BBOF1: variants seen among roughly 807,000 people sequenced by gnomAD.
The protein encoded by BBOF1 is basal body orientation factor 1, also known as basal body-orientation factor 1.
Under a neutral mutation model 68.0 loss-of-function variants are expected in BBOF1, and 62 were observed. That is an observed-to-expected ratio of 0.91 (90% CI 0.74 to 1.13). BBOF1 has a LOEUF of 1.13. Ranked by LOEUF, BBOF1 falls within the 50% of genes most tolerant of loss-of-function variation. The pLI is 0.00. For synonymous variants in BBOF1, 208 were observed against 198.8 expected, an observed-to-expected ratio of 1.05 and a Z score of -0.39; for missense variants, 534 against 600.1, an observed-to-expected ratio of 0.89 and a Z score of 1.15.
At position 74,049,883 on chromosome 14, in the gene BBOF1, A is replaced by C. The variant is rs751350076; in HGVS notation, c.974A>C (p.Gln325Pro). ...GCAATGATAGAGAACCAAGCAGGTC[A>C]GGTAGAAATTGACAAGCTGCAGCAC... Reference protein sequence around the residue: ...QHAMIENQAGQVEIDKLQHLL... With the variant: ...QHAMIENQAGPVEIDKLQHLL... The change falls in exon 8 of 12, where the codon CAG (glutamine) becomes CCG (proline). Residue 325 changes from glutamine to proline, a missense_variant. Coordinates refer to ENST00000394009, the MANE Select transcript of BBOF1 (RefSeq NM_025057.3). The C allele has an allele frequency of 2.5e-6, 4 of 1,614,076 alleles. No individual in the cohort carries two copies. In the African/African-American group the frequency reaches 5.3e-5, roughly 22 times the overall value.
chr14:74,051,342 G>A (rs566644321), intron 8 of BBOF1, among the ~76,000 whole-genome samples: 1 of 151,748 alleles, frequency 6.6e-6, no homozygotes, highest in East Asian at 1.9e-4. Flanking sequence ...GAACCCAGGA[G>A]GCAGAGGTTG....
chr14:74,072,202 C>A, intron 9 of BBOF1: 1 of 1,614,156 alleles, frequency 6.2e-7, no homozygotes, highest in Non-Finnish European at 8.5e-7. Flanking sequence ...AGATTTCATA[C>A]CAAGTTTTCT....
chr14:74,035,585 T>TTTA (rs1491196053), intron 4 of BBOF1, among the ~76,000 whole-genome samples: 2 of 37,614 alleles, frequency 5.3e-5, no homozygotes, highest in African/African-American at 2.2e-4. Context: ...CCCCAGCTAA[T>TTTA]TTTTTTTTTT....
At position 74,065,505 on chromosome 14, in the gene BBOF1, T is replaced by TA. The variant is rs1422222336; in HGVS notation, c.*815dup. On this transcript the variant is annotated 3_prime_UTR_variant, in exon 12 of 12. Transcript: ENST00000394009. ...CTCTTTTCATTTCAAATCACCTATT[T>TA]AAAAAAAAAGTCCTCTCTCAAGTGT... The TA allele has an allele frequency of 4.0e-4, 318 of 794,866 alleles. 2 individuals carry two copies. Among genetic ancestry groups the TA allele is most frequent in the South Asian group, 2.1e-3 (127 of 61,208 alleles). The allele number at this position is 794,866 out of a possible 1,614,324, so 49.2% of individuals were successfully genotyped here.
chr14:74,048,634 C>T (rs1393724373), intron 7 of BBOF1: 2 of 152,292 alleles, frequency 1.3e-5, no homozygotes, highest in Non-Finnish European at 2.9e-5. Context: ...AAAAGTGTGC[C>T]TCTCGTTTAA....
At position 74,065,611 on chromosome 14, in the gene BBOF1, A is replaced by G. The variant is rs1410189760; in HGVS notation, c.*912A>G. On this transcript the variant is annotated 3_prime_UTR_variant, in exon 12 of 12. Transcript: ENST00000394009. ...AACCACACTTCCTTTAAGGGACTGTATCTTTAGTTCATGACCCATCATCAG... is the reference window on the plus strand; with the variant it reads ...AACCACACTTCCTTTAAGGGACTGTGTCTTTAGTTCATGACCCATCATCAG... 2.0e-6 allele frequency: 1 copy of G among 489,542 alleles called. No individual in the cohort carries two copies. Among genetic ancestry groups the G allele is most frequent in the South Asian group, 2.1e-5 (1 of 47,226 alleles). 30.3% of individuals were successfully genotyped at this position (489,542 alleles called of 1,614,324 possible). A position where few individuals can be genotyped will look rare whatever the true frequency, so the allele number is the denominator to read the frequency against.
At chr14:74,022,813 A>T in intron 1 of BBOF1, 103 bp from the exon 2 acceptor site, 1 of 487,270 alleles carries the variant, frequency 2.1e-6, no homozygotes, top group East Asian at 3.5e-5. Flanking sequence ...AAAACAAATA[A>T]AAAAAGAGAA....
At chr14:74,056,310 G>A (rs916557975) in intron 9 of BBOF1, among the ~76,000 whole-genome samples, 1 of 149,212 alleles carries the variant, frequency 6.7e-6, no homozygotes, top group Non-Finnish European at 1.5e-5. Flanking sequence ...AGTGATTCTC[G>A]TGCTTCAGCC....
chr14:74,050,335 C>T (rs1323588165), intron 8 of BBOF1, 140 bp downstream of exon 8: 81 of 926,260 alleles, frequency 8.7e-5, no homozygotes, highest in Non-Finnish European at 8.4e-5. Flanking sequence ...CAGGAACTGA[C>T]TTATTCATCT....
intron 11 of BBOF1, 47 bp downstream of exon 11, chr14:74,057,305 T>C: frequency 1.9e-6 from 3 of 1,612,788 alleles, no homozygotes; most frequent in Non-Finnish European, 2.5e-6. Flanking sequence ...TTGTCACCCT[T>C]CCCCATGTCG....
intron 2 of BBOF1, among the ~76,000 whole-genome samples, chr14:74,026,947 A>G (rs554931964): frequency 2.6e-5 from 4 of 152,108 alleles, no homozygotes; most frequent in Admixed American, 2.6e-4. Flanking sequence ...AAAAAATGGC[A>G]AAAACTGCAG....
At chr14:74,077,364 T>G (rs541192500) in intron 9 of BBOF1, among the ~76,000 whole-genome samples, 7 of 152,320 alleles carry the variant, frequency 4.6e-5, no homozygotes, top group African/African-American at 1.4e-4. Flanking sequence ...TATTCCGTTT[T>G]GTGTTGCTAT....
intron 4 of BBOF1, among the ~76,000 whole-genome samples, chr14:74,035,987 C>A (rs1381278305): frequency 6.6e-6 from 1 of 152,072 alleles, no homozygotes; most frequent in Non-Finnish European, 1.5e-5. Flanking sequence ...AACTTATAGA[C>A]ACATTTTAAA....
At chr14:74,071,157 T>A in intron 9 of BBOF1, 1 of 1,583,484 alleles carries the variant, frequency 6.3e-7, no homozygotes, top group Non-Finnish European at 8.7e-7. Context: ...GATTTTTTGG[T>A]AGCCAGATTA....
chr14:74,032,637 G>A (rs1276906277), intron 3 of BBOF1, among the ~76,000 whole-genome samples: 1 of 151,554 alleles, frequency 6.6e-6, no homozygotes, highest in African/African-American at 2.4e-5. Context: ...GGGATTACAG[G>A]TGCGTGCCAC....
At chr14:74,029,279 C>G in intron 3 of BBOF1, 30 bp downstream of exon 3, 1 of 1,395,810 alleles carries the variant, frequency 7.2e-7, no homozygotes, top group Non-Finnish European at 9.9e-7. Context: ...TAATACTCCA[C>G]TTACTGGATG....
Position 74,048,065 on chromosome 14 carries a change from A to G in BBOF1, c.783A>G (p.Leu261=). 1 of 1,609,166 alleles carries G rather than the reference A, an allele frequency of 6.2e-7. No homozygotes were observed. The highest frequency in any genetic ancestry group is 8.5e-7 in the Non-Finnish European group (1 of 1,178,710). ...QKLQESHTLL[L]HQKEINDLLV... ...TGCAAGAGAGTCATACTTTACTTTT[A>G]CATCAAAAGGTTCCCTCTCATTTAG... is the stretch of plus-strand genomic sequence containing the variant. Residue 261 remains leucine, a synonymous_variant, in exon 7 of 12, where the codon TTA becomes TTG. Transcript: ENST00000394009.
downstream of BBOF1, among the ~76,000 whole-genome samples, chr14:74,069,416 C>T (rs2060518423): frequency 6.6e-6 from 1 of 151,676 alleles, no homozygotes; most frequent in Admixed American, 6.6e-5. Flanking sequence ...TTTTTCTGTA[C>T]TGGATTCTCA....
At chr14:74,035,612 T>A (rs978554758) in intron 4 of BBOF1, among the ~76,000 whole-genome samples, 1 of 128,054 alleles carries the variant, frequency 7.8e-6, no homozygotes, top group African/African-American at 2.8e-5. Flanking sequence ...TTTTTTTTTT[T>A]AGTAGAGTCA....
Sources: allele counts gnomAD v4.1 joint callset (sites outside exome capture counted in the v4.1 genomes callset), GRCh38; gene constraint gnomAD v4.1.1; transcripts MANE v1.5; gene names NCBI Gene and HGNC (gene_info 2026-07-23, HGNC 2026-07-21).